UPRT: variants seen among roughly 807,000 people sequenced by gnomAD.
UPRT encodes the protein uracil phosphoribosyltransferase homolog.
UPRT carries 5 observed loss-of-function variants against 22.6 expected under a neutral mutation model. The ratio of observed to expected loss-of-function variants is 0.22; its 90% CI spans 0.12 to 0.47. The LOEUF is 0.47. UPRT is among the 20% of genes least tolerant of loss of function. UPRT has a pLI of 0.99. For missense variants in UPRT, 181 were observed against 239.9 expected (o/e 0.75, Z 1.62); for synonymous variants, 77 against 87.7 (o/e 0.88, Z 0.68).
At chrX:75,219,163 C>T (rs5981813) in intron 4 of UPRT, among the ~76,000 whole-genome samples, 72,434 of 111,210 alleles carry the variant, frequency 0.65, 20,725 homozygotes, top group Non-Finnish European at 0.91. Context: ...ATTGAATTCT[C>T]TGCCTAACAG....
intron 4 of UPRT, among the ~76,000 whole-genome samples, chrX:75,169,285 G>T (rs1464786576): frequency 1.8e-5 from 2 of 111,901 alleles, no homozygotes; most frequent in Admixed American, 1.9e-4. Flanking sequence ...TTTCCTCTGG[G>T]TAGATACCTA....
chrX:75,292,061 A>G (rs1030975569), intron 1 of UPRT, among the ~76,000 whole-genome samples: 2 of 111,806 alleles, frequency 1.8e-5, no homozygotes, highest in Non-Finnish European at 3.8e-5. Context: ...ATTAAAACTG[A>G]CATTTCAGGT....
At chrX:75,177,154 G>C (rs5981788) in intron 4 of UPRT, among the ~76,000 whole-genome samples, 70,459 of 108,251 alleles carry the variant, frequency 0.65, 20,673 homozygotes, top group Non-Finnish European at 0.91. Context: ...CACCGACACA[G>C]CAGCAGAAAC....
At chrX:75,238,288 A>C (rs1242854568) in intron 4 of UPRT, among the ~76,000 whole-genome samples, 1 of 111,451 alleles carries the variant, frequency 9.0e-6, no homozygotes, top group Non-Finnish European at 1.9e-5. Context: ...GTAGAAAAAG[A>C]TATTCCATAC....
intron 4 of UPRT, among the ~76,000 whole-genome samples, chrX:75,267,184 A>C (rs1411324389): frequency 8.9e-6 from 1 of 112,161 alleles, no homozygotes; most frequent in Admixed American, 9.5e-5. Flanking sequence ...CCTTGGAACC[A>C]ACCGAAATGT....
chrX:75,202,226 A>G (rs1466707460), intron 4 of UPRT, among the ~76,000 whole-genome samples: 1 of 111,350 alleles, frequency 9.0e-6, no homozygotes, highest in Non-Finnish European at 1.9e-5. Context: ...GCAATTATAG[A>G]AGGGAAGGGA....
At chrX:75,253,969 C>G (rs2082540800) in intron 4 of UPRT, among the ~76,000 whole-genome samples, 1 of 111,290 alleles carries the variant, frequency 9.0e-6, no homozygotes, top group Non-Finnish European at 1.9e-5. Flanking sequence ...AGGGGTCTTT[C>G]AGAAGGGTTC....
chrX:75,189,548 T>C, intron 4 of UPRT, among the ~76,000 whole-genome samples: 1 of 111,834 alleles, frequency 8.9e-6, no homozygotes, highest in East Asian at 2.8e-4. Flanking sequence ...GTTAACTTTC[T>C]GTCCCGTTGA....
intron 4 of UPRT, among the ~76,000 whole-genome samples, chrX:75,237,243 A>G (rs867252193): frequency 8.9e-6 from 1 of 112,097 alleles, no homozygotes; most frequent in Admixed American, 9.4e-5. Context: ...TCAAAACCAC[A>G]ATGAGATACC....
chrX:75,175,645 G>A (rs866155940), intron 4 of UPRT, among the ~76,000 whole-genome samples: 17 of 112,042 alleles, frequency 1.5e-4, no homozygotes, highest in Non-Finnish European at 2.4e-4. Flanking sequence ...GGGAACCTTC[G>A]TCCTCTGGGG....
chrX:75,161,082 G>C (rs2082198037), intron 2 of UPRT, among the ~76,000 whole-genome samples: 1 of 112,599 alleles, frequency 8.9e-6, no homozygotes, highest in African/African-American at 3.2e-5. Context: ...TTGTTTTAAA[G>C]TTATGTTTAT....
At chrX:75,158,343 A>G (rs1241909057) in intron 1 of UPRT, among the ~76,000 whole-genome samples, 2 of 112,516 alleles carry the variant, frequency 1.8e-5, no homozygotes, top group Non-Finnish European at 3.8e-5. Flanking sequence ...GCTGCTATAA[A>G]TAGCTGCTAC....
chrX:75,302,806 T>TG (rs950810767), intron 6 of UPRT, among the ~76,000 whole-genome samples: 1 of 111,403 alleles, frequency 9.0e-6, no homozygotes, highest in African/African-American at 3.3e-5. Flanking sequence ...TGGCGTGCTC[T>TG]GACACACCAG....
chrX:75,179,303 C>T (rs1285738777), intron 4 of UPRT, among the ~76,000 whole-genome samples: 1 of 112,136 alleles, frequency 8.9e-6, no homozygotes, highest in Non-Finnish European at 1.9e-5. Context: ...CTCTCCACAT[C>T]CTTACCAGAG....
intron 4 of UPRT, among the ~76,000 whole-genome samples, chrX:75,174,059 G>A: frequency 8.9e-6 from 1 of 111,747 alleles, no homozygotes; most frequent in Non-Finnish European, 1.9e-5. Context: ...GTGCAGTGGT[G>A]GGCTGAAGGG....
intron 4 of UPRT, among the ~76,000 whole-genome samples, chrX:75,186,309 A>C (rs1299557924): frequency 9.0e-6 from 1 of 111,566 alleles, no homozygotes; most frequent in Non-Finnish European, 1.9e-5. Flanking sequence ...CAGGTTGTTC[A>C]GTTTCCATGT....
intron 4 of UPRT, among the ~76,000 whole-genome samples, chrX:75,195,192 C>T (rs2082329559): frequency 8.9e-6 from 1 of 112,375 alleles, no homozygotes; most frequent in African/African-American, 3.2e-5. Context: ...CCATGGGGGC[C>T]ACTCTGCTGG....
At chrX:75,156,989 G>T (rs915962174) in intron 1 of UPRT, among the ~76,000 whole-genome samples, 1 of 111,004 alleles carries the variant, frequency 9.0e-6, no homozygotes, top group Non-Finnish European at 1.9e-5. Flanking sequence ...TTTGGTTTTT[G>T]CAGCGTCCCT....
At chrX:75,208,339 G>A (rs1312471926) in intron 4 of UPRT, among the ~76,000 whole-genome samples, 1 of 111,522 alleles carries the variant, frequency 9.0e-6, no homozygotes, top group African/African-American at 3.3e-5. Flanking sequence ...AGGAGCAAGG[G>A]GAAGTTCAGC....
Sources: gnomAD v4.1 joint callset for allele counts (sites outside exome capture counted in the v4.1 genomes callset) on GRCh38, gnomAD v4.1.1 for gene constraint, MANE v1.5 for transcripts, NCBI Gene and HGNC (gene_info 2026-07-23, HGNC 2026-07-21) for gene names.